The following ADAR variants were observed in gnomAD, a reference collection of about 807,000 sequenced individuals.
The protein encoded by ADAR is double-stranded RNA-specific adenosine deaminase.
In ADAR, 41 loss-of-function variants were observed where a neutral mutation model predicts 113.2. The observed-to-expected ratio is 0.36, with a 90% CI of 0.28 to 0.47. The LOEUF is 0.47. Ranked by LOEUF, ADAR falls within the 20% of genes least tolerant of loss-of-function variation. The probability of loss-of-function intolerance (pLI) is 1.00; values close to 1 mark genes in which losing one functional copy is unlikely to be tolerated. For missense variants in ADAR, 1,242 were observed against 1,540.9 expected (o/e 0.81, Z 3.25); for synonymous variants, 605 against 572.6 (o/e 1.06, Z -0.81).
chr1:154,597,152 C>T lies in ADAR; in HGVS notation c.2050G>A (p.Ala684Thr). 6.2e-7 allele frequency: 1 copy of T among 1,614,214 alleles called. No individual in the cohort carries two copies. The highest frequency in any genetic ancestry group is 8.5e-7 in the Non-Finnish European group (1 of 1,180,044). The change falls in exon 5 of 15, where the codon GCG becomes ACG. Residue 684 changes from alanine (A) to threonine (T), a missense_variant. This residue lies in a region of ADAR where 780 missense variants were observed against 1,057.9 expected (regional missense o/e 0.74). Coordinates refer to ENST00000368474, the MANE Select transcript of ADAR (RefSeq NM_001111.5). ...TTATCAGAAGCCATGGAGTTGGTCGCCTCCCCATGCAGGGCCTTCATGGCT... is the reference window on the plus strand; with the variant it reads ...TTATCAGAAGCCATGGAGTTGGTCGTCTCCCCATGCAGGGCCTTCATGGCT... Reference protein sequence around the residue: ...EEAMKALHGEATNSMASDNQP... With the variant: ...EEAMKALHGETTNSMASDNQP...
At chr1:154,611,299 A>C (rs900223605), upstream of ADAR, among the ~76,000 whole-genome samples, 4 of 152,174 alleles carry the variant, frequency 2.6e-5, no homozygotes, top group African/African-American at 7.2e-5. Flanking sequence ...AAAGCAGTGA[A>C]CTTTCCTCAA....
chr1:154,592,999 G>A (rs1697248008), intron 6 of ADAR, among the ~76,000 whole-genome samples: 1 of 152,004 alleles, frequency 6.6e-6, no homozygotes, highest in Non-Finnish European at 1.5e-5. Context: ...GTCAGATGTG[G>A]TGGCAGATGC....
chr1:154,617,431 A>G (rs1193184765), intron 1 of ADAR, among the ~76,000 whole-genome samples: 1 of 152,210 alleles, frequency 6.6e-6, no homozygotes, highest in Non-Finnish European at 1.5e-5. Context: ...ATTCTGCACG[A>G]AAGTGACCCT....
At chr1:154,619,013 G>A (rs9426828) in intron 1 of ADAR, among the ~76,000 whole-genome samples, 61,649 of 151,896 alleles carry the variant, frequency 0.41, 13,677 homozygotes, top group East Asian at 0.53. Flanking sequence ...GTGGGGCAGA[G>A]GCAGGAGGAT....
intron 11 of ADAR, 76 bp downstream of exon 11, chr1:154,588,049 A>G (rs891055013): frequency 6.2e-7 from 1 of 1,600,106 alleles, no homozygotes; most frequent in Non-Finnish European, 8.5e-7. Context: ...AAATCCTAGC[A>G]GCCTTGTAGA....
chr1:154,582,860 A>G lies in ADAR; in HGVS notation c.*1946T>C, dbSNP rs1328663614. On this transcript the variant is annotated 3_prime_UTR_variant, in exon 15 of 15. Coordinates refer to ENST00000368474, the MANE Select transcript of ADAR (RefSeq NM_001111.5). ...TTTACTGTGCCCCCAGCAGACCCAGAGCCAGGGAGCAGGCCTCTTCCACTC... is the reference window on the plus strand; with the variant it reads ...TTTACTGTGCCCCCAGCAGACCCAGGGCCAGGGAGCAGGCCTCTTCCACTC... The G allele has an allele frequency of 6.6e-6, 1 of 152,294 alleles. No individual in the cohort carries two copies. Among genetic ancestry groups the G allele is most frequent in the Non-Finnish European group, 1.5e-5 (1 of 68,108 alleles). The allele number at this position is 152,294 out of a possible 1,614,324, so 9.4% of individuals were successfully genotyped here. A position where few individuals can be genotyped will look rare whatever the true frequency, so the allele number is the denominator to read the frequency against.
At chr1:154,603,542 G>A (rs775965862) in intron 1 of ADAR, among the ~76,000 whole-genome samples, 1 of 152,062 alleles carries the variant, frequency 6.6e-6, no homozygotes, top group Non-Finnish European at 1.5e-5. Context: ...TCCACTGCAC[G>A]TTCTTCTGAA....
At chr1:154,605,749 T>C (rs1698152549) in intron 1 of ADAR, among the ~76,000 whole-genome samples, 1 of 152,200 alleles carries the variant, frequency 6.6e-6, no homozygotes, top group African/African-American at 2.4e-5. Flanking sequence ...GCCCACCATA[T>C]TGCTAGGGAC....
rs1696548315 is a variant in ADAR, at chr1:154,583,563, A to G, written c.*1243T>C. The G allele has an allele frequency of 1.3e-5, 2 of 152,222 alleles. No homozygotes were observed. The highest frequency in any genetic ancestry group is 4.8e-5 in the African/African-American group (2 of 41,450). The allele number at this position is 152,222 out of a possible 1,614,324, so 9.4% of individuals were successfully genotyped here. ...AACTACTGCTTTCTATGTCAACCCT[A>G]TAAAGATCAGGTCTGCGCCCTGCCC... On this transcript the variant is annotated 3_prime_UTR_variant, in exon 15 of 15. Coordinates refer to ENST00000368474, the MANE Select transcript of ADAR (RefSeq NM_001111.5).
rs958245319 is a variant in ADAR, at chr1:154,608,143, A to G, written c.-137T>C. 20 of 1,150,196 alleles carry G rather than the reference A, an allele frequency of 1.7e-5. No individual in the cohort carries two copies. In the African/African-American group the frequency reaches 3.3e-4, roughly 19 times the overall value. 71.2% of individuals were successfully genotyped at this position (1,150,196 alleles called of 1,614,324 possible). A position where few individuals can be genotyped will look rare whatever the true frequency, so the allele number is the denominator to read the frequency against. On this transcript the variant is annotated 5_prime_UTR_variant, in exon 1 of 15. Transcript: ENST00000368474. ...AGTGGCCCCGGGGCGTCGGCACGGG[A>G]AACTCCGCGGGTCTGCGCGCCGGGC...
chr1:154,609,094 A>G (rs927739502), upstream of ADAR, among the ~76,000 whole-genome samples: 1 of 152,190 alleles, frequency 6.6e-6, no homozygotes, highest in Admixed American at 6.5e-5. Context: ...CATTATTCCC[A>G]CTTTGCAGGT....
At chr1:154,596,764 C>A (rs530353284) in intron 6 of ADAR, 41 bp downstream of exon 6, 2 of 1,609,492 alleles carry the variant, frequency 1.2e-6, no homozygotes, top group South Asian at 1.1e-5. Context: ...AGACCATCCC[C>A]AACTGGTGAC....
At chr1:154,591,851 C>T (rs2101596115) in intron 6 of ADAR, among the ~76,000 whole-genome samples, 1 of 152,286 alleles carries the variant, frequency 6.6e-6, no homozygotes, top group Admixed American at 6.5e-5. Context: ...TGCTGGCAGG[C>T]CCGTGCAGGC....
rs1697871358 is a variant in ADAR, at chr1:154,601,527, A to C, written c.1115T>G (p.Val372Gly). Residue 372 changes from valine (V) to glycine (G), a missense_variant, in exon 2 of 15, where the codon GTT becomes GGT. By Grantham distance (109) the Val-to-Gly change is moderately radical. Coordinates refer to ENST00000368474, the MANE Select transcript of ADAR (RefSeq NM_001111.5). The surrounding 1 kb of genome is among the most constrained non-coding windows in gnomAD (Gnocchi z 4.7). ...GATTGCAGCTGGAGCGGTTTCAGGA[A>C]CACTGTTCGTATTTCTCTTGATTTG... Reference protein sequence around the residue: ...RMQIKRNTNSVPETAPAAIPE... With the variant: ...RMQIKRNTNSGPETAPAAIPE... 1 of 1,613,434 alleles carries C rather than the reference A, an allele frequency of 6.2e-7. No homozygotes were observed. The highest frequency in any genetic ancestry group is 1.3e-5 in the African/African-American group (1 of 74,908).
At chr1:154,592,892 T>C (rs1339265341) in intron 6 of ADAR, among the ~76,000 whole-genome samples, 1 of 151,688 alleles carries the variant, frequency 6.6e-6, no homozygotes, top group African/African-American at 2.4e-5. Context: ...TCCCAGCACT[T>C]TGGGAGGCTG....
chr1:154,600,822 C>A, intron 2 of ADAR: 1 of 643,254 alleles, frequency 1.6e-6, no homozygotes, highest in Non-Finnish European at 2.7e-6. Context: ...GAGTCAACCT[C>A]CCCCTTGTTC....
Position 154,586,307 on chromosome 1 carries a change from G to A in ADAR, c.3076C>T (p.Arg1026Trp), listed in dbSNP as rs374300359. Residue 1026 changes from arginine to tryptophan, a missense_variant, in exon 12 of 15, where the codon CGG (arginine) becomes TGG (tryptophan). This residue lies in a region of ADAR where 780 missense variants were observed against 1,057.9 expected (regional missense o/e 0.74). Transcript: ENST00000368474. ...SDIVPTWDGI[R>W]LGERLRTMSC... ...ATGGTACGGAGTCTCTCCCCGAGCC[G>A]AATGCCATCCCACGTAGGCACAATG... 5 of 1,614,182 alleles carry A rather than the reference G, an allele frequency of 3.1e-6. No homozygotes were observed. Among genetic ancestry groups the A allele is most frequent in the East Asian group, 2.2e-5 (1 of 44,880 alleles).
chr1:154,624,122 A>G (rs546421000), intron 1 of ADAR, among the ~76,000 whole-genome samples: 38 of 152,228 alleles, frequency 2.5e-4, no homozygotes, highest in Non-Finnish European at 4.9e-4. Context: ...TTTTAGCCCC[A>G]GGATCCAGCC....
chr1:154,603,668 C>A (rs1698021895), intron 1 of ADAR, among the ~76,000 whole-genome samples: 1 of 152,136 alleles, frequency 6.6e-6, no homozygotes, highest in African/African-American at 2.4e-5. Context: ...CTGTCTTCTC[C>A]CCAGGGCTGT....
Sources: allele counts gnomAD v4.1 joint callset (sites outside exome capture counted in the v4.1 genomes callset), GRCh38; gene constraint gnomAD v4.1.1; regional missense constraint gnomAD v4.1.1; non-coding constraint Gnocchi (gnomAD v3.1); transcripts MANE v1.5; gene names NCBI Gene and HGNC (gene_info 2026-07-23, HGNC 2026-07-21).